SHISA9: variants seen among roughly 807,000 people sequenced by gnomAD.
SHISA9 encodes shisa family member 9.
SHISA9 carries 13 observed loss-of-function variants against 38.0 expected under a neutral mutation model. The observed-to-expected ratio is 0.34, with a 90% CI of 0.22 to 0.54. The LOEUF (loss-of-function observed/expected upper bound fraction) is 0.54. Among genes scored for constraint, SHISA9 ranks in the 20% least tolerant of loss-of-function variants. SHISA9 has a pLI of 0.91. For synonymous variants in SHISA9, 275 were observed against 242.0 expected, an observed-to-expected ratio of 1.14 and a Z score of -1.27; for missense variants, 538 against 575.8, an observed-to-expected ratio of 0.93 and a Z score of 0.67.
chr16:13,409,250 A>T, the SHISA9 span, among the ~76,000 whole-genome samples: 1 of 152,184 alleles, frequency 6.6e-6, no homozygotes, highest in Non-Finnish European at 1.5e-5. Flanking sequence ...CATTCCGCTG[A>T]CAGCCACTTC....
At chr16:12,922,012 A>G (rs1363270802) in intron 2 of SHISA9, among the ~76,000 whole-genome samples, 1 of 152,190 alleles carries the variant, frequency 6.6e-6, no homozygotes, top group Admixed American at 6.5e-5. Flanking sequence ...TGGCTTGTCT[A>G]AAGTTTGTAT....
At chr16:12,938,442 G>T (rs1320542601) in intron 2 of SHISA9, among the ~76,000 whole-genome samples, 1 of 151,918 alleles carries the variant, frequency 6.6e-6, no homozygotes, top group East Asian at 1.9e-4. Context: ...GCTCAATTCT[G>T]TTCTCTCCAA....
the SHISA9 span, among the ~76,000 whole-genome samples, chr16:13,259,838 C>T: frequency 6.8e-6 from 1 of 146,556 alleles, no homozygotes; most frequent in Admixed American, 6.7e-5. Context: ...TATTTCCTCC[C>T]AGGCCTCTGG....
the SHISA9 span, among the ~76,000 whole-genome samples, chr16:13,429,637 T>A: frequency 5.3e-5 from 8 of 152,354 alleles, no homozygotes; most frequent in East Asian, 1.2e-3. Flanking sequence ...CACACTGTGA[T>A]GACCTGGAGT....
At chr16:13,136,903 T>G (rs1160380991) in intron 2 of SHISA9, among the ~76,000 whole-genome samples, 2 of 152,212 alleles carry the variant, frequency 1.3e-5, no homozygotes, top group Non-Finnish European at 2.9e-5. Flanking sequence ...ATGCAAGCTC[T>G]TCTCGGTCAT....
At chr16:13,529,850 C>T in the SHISA9 span, among the ~76,000 whole-genome samples, 1 of 152,340 alleles carries the variant, frequency 6.6e-6, no homozygotes, top group Admixed American at 6.5e-5. Context: ...AGGCCAATCC[C>T]ACCCACAGCT....
chr16:13,458,296 T>C, the SHISA9 span: 1 of 256,600 alleles, frequency 3.9e-6, no homozygotes, highest in East Asian at 1.3e-4. Flanking sequence ...CAGGGGATCA[T>C]GGGAGATCAT....
At chr16:13,477,905 C>T in the SHISA9 span, among the ~76,000 whole-genome samples, 3 of 152,170 alleles carry the variant, frequency 2.0e-5, no homozygotes, top group African/African-American at 4.8e-5. Flanking sequence ...GTGGAGGTTG[C>T]AGTGAGCTGA....
chr16:13,181,267 TTATATATATA>T (rs1156705123), intron 2 of SHISA9, among the ~76,000 whole-genome samples: 204 of 80,050 alleles, frequency 2.5e-3, no homozygotes, highest in Middle Eastern at 0.02. Context: ...AAATAAAATT[TTATATATATA>T]TATATATATA....
chr16:13,333,042 CG>C, the SHISA9 span, among the ~76,000 whole-genome samples: 1 of 152,174 alleles, frequency 6.6e-6, no homozygotes, highest in Non-Finnish European at 1.5e-5. Context: ...GGTCCTCTGC[CG>C]TGCCCGTCGA....
chr16:13,106,701 T>A (rs1445241637), intron 2 of SHISA9, among the ~76,000 whole-genome samples: 1 of 152,140 alleles, frequency 6.6e-6, no homozygotes, highest in Non-Finnish European at 1.5e-5. Context: ...GTGACCTGGA[T>A]GAGCCAATCT....
intron 2 of SHISA9, among the ~76,000 whole-genome samples, chr16:13,099,577 A>G (rs2073859111): frequency 1.3e-5 from 2 of 152,018 alleles, no homozygotes; most frequent in African/African-American, 2.4e-5. Context: ...AAGTGTTCCA[A>G]GCAGAGGGAC....
chr16:13,183,251 G>T (rs886880825), intron 2 of SHISA9, among the ~76,000 whole-genome samples: 5 of 152,048 alleles, frequency 3.3e-5, no homozygotes, highest in African/African-American at 7.2e-5. Context: ...TGCAAAGTCC[G>T]TATGAGAGAG....
chr16:13,247,183 C>G, the SHISA9 span, among the ~76,000 whole-genome samples: 8 of 152,136 alleles, frequency 5.3e-5, no homozygotes, highest in East Asian at 1.6e-3. Context: ...CATCAGATCT[C>G]TTGAGAACTC....
Position 13,235,195 on chromosome 16 carries a change from A to G in SHISA9, c.1061A>G (p.Lys354Arg), listed in dbSNP as rs2051370192. The part of the protein sequence containing the change: ...KQNGQKSRTN[K>R]MPPHPLAYTS... Reference sequence around the variant, plus strand: ...AATGGACAGAAGTCCCGCACCAACAAGATGCCCCCACATCCCCTGGCCTAC... The same window carrying G: ...AATGGACAGAAGTCCCGCACCAACAGGATGCCCCCACATCCCCTGGCCTAC... The change falls in exon 5 of 5, where the codon AAG (lysine) becomes AGG (arginine). Residue 354 changes from lysine (K) to arginine (R), a missense_variant. By Grantham distance (26) the Lys-to-Arg change is conservative. Coordinates refer to ENST00000558583, the MANE Select transcript of SHISA9 (RefSeq NM_001145204.3). The G allele has an allele frequency of 1.9e-6, 3 of 1,551,778 alleles. No individual in the cohort carries two copies. Among genetic ancestry groups the G allele is most frequent in the Admixed American group, 2.0e-5 (1 of 51,006 alleles).
At chr16:13,550,923 A>T in the SHISA9 span, among the ~76,000 whole-genome samples, 708 of 152,276 alleles carry the variant, frequency 4.6e-3, 5 homozygotes, top group African/African-American at 0.016. Flanking sequence ...GGCGTTCGAG[A>T]CCAGCCTGGC....
chr16:13,348,049 A>G, the SHISA9 span, among the ~76,000 whole-genome samples: 510 of 152,330 alleles, frequency 3.3e-3, 3 homozygotes, highest in African/African-American at 0.012. Context: ...TCCAACCCAC[A>G]TAACTATAAA....
At chr16:13,461,091 A>G in the SHISA9 span, among the ~76,000 whole-genome samples, 1 of 152,230 alleles carries the variant, frequency 6.6e-6, no homozygotes. Flanking sequence ...TCTTTGGCAA[A>G]TGAAGGTGGC....
At chr16:13,397,079 TCTTC>T in the SHISA9 span, among the ~76,000 whole-genome samples, 2 of 152,254 alleles carry the variant, frequency 1.3e-5, no homozygotes, top group South Asian at 2.1e-4. Context: ...ATGTATTTAC[TCTTC>T]CTTATGATTT....
Sources: gnomAD v4.1 joint callset for allele counts (sites outside exome capture counted in the v4.1 genomes callset) on GRCh38, gnomAD v4.1.1 for gene constraint, MANE v1.5 for transcripts, NCBI Gene and HGNC (gene_info 2026-07-23, HGNC 2026-07-21) for gene names.